Variants in TRPM3 observed in about 807,000 individuals in gnomAD.
The protein encoded by TRPM3 is long transient receptor potential channel 3.
TRPM3 carries 77 observed loss-of-function variants against 181.2 expected under a neutral mutation model. That is an observed-to-expected ratio of 0.42 (90% CI 0.35 to 0.51). The LOEUF (loss-of-function observed/expected upper bound fraction) is 0.51. TRPM3 is among the 20% of genes least tolerant of loss of function. TRPM3 has a pLI of 0.01. For synonymous variants in TRPM3, 745 were observed against 796.4 expected (o/e 0.94, Z 1.09); for missense variants, 1,759 against 2,196.7 (o/e 0.80, Z 3.98).
At chr9:71,130,668 T>C (rs10868952) in intron 1 of TRPM3, among the ~76,000 whole-genome samples, 47,573 of 152,122 alleles carry the variant, frequency 0.31, 8,928 homozygotes, top group Middle Eastern at 0.47. Context: ...ACTGCTTTTA[T>C]TCAGCATCCA....
intron 1 of TRPM3, among the ~76,000 whole-genome samples, chr9:71,074,706 T>C (rs1485102983): frequency 6.6e-6 from 1 of 152,182 alleles, no homozygotes; most frequent in Non-Finnish European, 1.5e-5. Flanking sequence ...TGCATAGTCA[T>C]AGTGAAATAT....
At chr9:70,804,988 C>A (rs1395457281) in intron 6 of TRPM3, among the ~76,000 whole-genome samples, 1 of 152,180 alleles carries the variant, frequency 6.6e-6, no homozygotes, top group Non-Finnish European at 1.5e-5. Flanking sequence ...ATGCCAGCTG[C>A]AGCCAGGGTC....
chr9:70,915,827 G>A (rs956912466), intron 1 of TRPM3, among the ~76,000 whole-genome samples: 1 of 152,082 alleles, frequency 6.6e-6, no homozygotes, highest in Admixed American at 6.6e-5. Context: ...TATTGAAAGG[G>A]ATAATAACAT....
rs1390937851 is a variant in TRPM3, at chr9:70,535,548, G to T, written c.*405C>A. On this transcript the variant is annotated 3_prime_UTR_variant, in exon 26 of 26. Coordinates refer to ENST00000677713, the MANE Select transcript of TRPM3 (RefSeq NM_001366145.2). ...TACGCTGGCTATTTTATTTTATTTTGCAATTTAGCCCTGCATCCTACAACT... is the reference window on the plus strand; with the variant it reads ...TACGCTGGCTATTTTATTTTATTTTTCAATTTAGCCCTGCATCCTACAACT... The T allele has an allele frequency of 1.0e-5, 16 of 1,542,688 alleles. No individual in the cohort carries two copies. The highest frequency in any genetic ancestry group is 4.1e-5 in the African/African-American group (3 of 72,876).
intron 1 of TRPM3, among the ~76,000 whole-genome samples, chr9:71,414,296 AC>A (rs2093605319): frequency 7.0e-6 from 1 of 143,628 alleles, no homozygotes; most frequent in Non-Finnish European, 1.6e-5. Flanking sequence ...CTACATCAAT[AC>A]CTTATTACAA....
At chr9:70,569,784 G>A (rs1305254214) in intron 22 of TRPM3, among the ~76,000 whole-genome samples, 1 of 152,176 alleles carries the variant, frequency 6.6e-6, no homozygotes, top group Non-Finnish European at 1.5e-5. Flanking sequence ...GGCCAGCTGG[G>A]TAGAGCAGGG....
intron 6 of TRPM3, chr9:70,811,389 C>T (rs2092011408): frequency 1.5e-6 from 1 of 670,036 alleles, no homozygotes; most frequent in South Asian, 1.9e-5. Context: ...AGAGCATCAT[C>T]CAGCCCTTCT....
chr9:70,545,099 T>C (rs1009393229), intron 25 of TRPM3, among the ~76,000 whole-genome samples: 1 of 152,126 alleles, frequency 6.6e-6, no homozygotes, highest in Non-Finnish European at 1.5e-5. Context: ...AGTAAATTGC[T>C]CAAGAGGAGT....
intron 1 of TRPM3, among the ~76,000 whole-genome samples, chr9:71,147,442 C>CACACACACACACACAG (rs2075481203): frequency 6.6e-6 from 1 of 151,440 alleles, no homozygotes; most frequent in Non-Finnish European, 1.5e-5. Context: ...CACACACACA[C>CACACACACACACACAG]ACACACACAC....
intron 8 of TRPM3, among the ~76,000 whole-genome samples, chr9:70,688,088 TC>T (rs1468210123): frequency 6.6e-6 from 1 of 152,176 alleles, no homozygotes; most frequent in Non-Finnish European, 1.5e-5. Flanking sequence ...ACTATTACAC[TC>T]CTTTTTTTGC....
At chr9:71,219,777 T>TA (rs566243214) in intron 1 of TRPM3, among the ~76,000 whole-genome samples, 230 of 152,264 alleles carry the variant, frequency 1.5e-3, no homozygotes, top group African/African-American at 4.4e-3. Context: ...ACAGGGATTA[T>TA]AAAAGAGGAT....
chr9:71,287,441 T>C (rs942894388), intron 1 of TRPM3, among the ~76,000 whole-genome samples: 3 of 151,946 alleles, frequency 2.0e-5, no homozygotes, highest in African/African-American at 4.8e-5. Flanking sequence ...TCCATCCTAT[T>C]TGGGGTAATT....
At chr9:70,983,285 G>A (rs1404806762) in intron 1 of TRPM3, among the ~76,000 whole-genome samples, 2 of 152,006 alleles carry the variant, frequency 1.3e-5, no homozygotes, top group East Asian at 3.8e-4. Flanking sequence ...ATTAAATACA[G>A]GAGCTTCTCC....
chr9:70,570,234 T>G (rs1010455519), intron 22 of TRPM3, among the ~76,000 whole-genome samples: 1 of 90,276 alleles, frequency 1.1e-5, no homozygotes, highest in Non-Finnish European at 3.0e-5. Flanking sequence ...AGATTTGGTT[T>G]TTTTTTTTGC....
At chr9:71,407,952 G>A (rs995961769) in intron 1 of TRPM3, among the ~76,000 whole-genome samples, 1 of 152,160 alleles carries the variant, frequency 6.6e-6, no homozygotes, top group Non-Finnish European at 1.5e-5. Flanking sequence ...TGATACCCAG[G>A]CAAATAGGGC....
chr9:71,195,091 G>T (rs2078264078), intron 1 of TRPM3, among the ~76,000 whole-genome samples: 1 of 152,010 alleles, frequency 6.6e-6, no homozygotes, highest in Non-Finnish European at 1.5e-5. Flanking sequence ...TCTGGACATA[G>T]GAATTGGTAT....
intron 1 of TRPM3, among the ~76,000 whole-genome samples, chr9:71,184,728 TCTCCTTATG>T (rs1290835582): frequency 3.9e-5 from 6 of 152,124 alleles, no homozygotes; most frequent in Non-Finnish European, 8.8e-5. Flanking sequence ...CCCATTTTTT[TCTCCTTATG>T]CTCACTTCCA....
chr9:70,678,350 C>T (rs2064555641), intron 9 of TRPM3, among the ~76,000 whole-genome samples: 1 of 152,058 alleles, frequency 6.6e-6, no homozygotes, highest in African/African-American at 2.4e-5. Context: ...TCACTGCAGC[C>T]ATAACCTCCT....
At chr9:71,409,469 G>A (rs539266247) in intron 1 of TRPM3, among the ~76,000 whole-genome samples, 1 of 152,132 alleles carries the variant, frequency 6.6e-6, no homozygotes, top group East Asian at 1.9e-4. Context: ...CCTAGTCTCT[G>A]ATAAAACAGA....
Sources: allele counts gnomAD v4.1 joint callset (sites outside exome capture counted in the v4.1 genomes callset), GRCh38; gene constraint gnomAD v4.1.1; transcripts MANE v1.5; gene names NCBI Gene and HGNC (gene_info 2026-07-23, HGNC 2026-07-21).